Variants in TAF3 observed in about 807,000 individuals in gnomAD.
TAF3 encodes transcription initiation factor TFIID subunit 3.
A neutral mutation model predicts 80.6 loss-of-function variants in TAF3; 7 were observed. The ratio of observed to expected loss-of-function variants is 0.09; its 90% CI spans 0.05 to 0.16. The LOEUF is 0.16. Among genes scored for constraint, TAF3 ranks in the 10% least tolerant of loss-of-function variants. The pLI is 1.00. For missense variants in TAF3, 921 were observed against 1,140.2 expected, an observed-to-expected ratio of 0.81 and a Z score of 2.77; for synonymous variants, 444 against 446.1, an observed-to-expected ratio of 1.00 and a Z score of 0.06.
At chr10:7,834,963 T>C (rs1451758335) in intron 2 of TAF3, among the ~76,000 whole-genome samples, 1 of 152,234 alleles carries the variant, frequency 6.6e-6, no homozygotes, top group Non-Finnish European at 1.5e-5. Context: ...TCATGTCTTT[T>C]AGATCATTTC....
intron 2 of TAF3, among the ~76,000 whole-genome samples, chr10:7,909,865 A>C (rs1469285558): frequency 1.3e-5 from 2 of 152,212 alleles, no homozygotes; most frequent in Non-Finnish European, 2.9e-5. Flanking sequence ...GAAGTCCCTT[A>C]GTATCTGTGG....
rs372902098 is a variant in TAF3 at position 7,999,458 on chromosome 10, G to GTT, written c.2316-9605_2316-9604dup. Among the ~76,000 whole-genome samples the GTT allele has an allele frequency of 7.8e-3, 1,040 of 133,058 alleles. 22 individuals carry two copies. The highest frequency in any genetic ancestry group is 0.027 in the African/African-American group (949 of 35,798). 87.3% of individuals were successfully genotyped at this position (133,058 alleles called of 152,430 possible). On this transcript the variant is annotated intron_variant, in intron 4 of 6. Transcript: ENST00000344293. ...AAAAAAGAAAGAAAGAAAGAAAGAA[G>GTT]TTTTTTTTTTTTTTTTGAGATGGAG...
At chr10:7,942,389 GT>G (rs1404299933) in intron 2 of TAF3, among the ~76,000 whole-genome samples, 2 of 151,980 alleles carry the variant, frequency 1.3e-5, no homozygotes, top group South Asian at 2.1e-4. Context: ...GGTAGTTCAG[GT>G]TTTTTTCAGC....
chr10:7,824,216 T>G, intron 1 of TAF3, 102 bp from the exon 2 acceptor site: 1 of 1,309,254 alleles, frequency 7.6e-7, no homozygotes, highest in Non-Finnish European at 1.0e-6. Flanking sequence ...TTAAAATGTT[T>G]GATTCTGAGC....
rs1343352015 is a variant in TAF3, at chr10:8,014,716, A to G, written c.2755A>G (p.Lys919Glu). The change falls in exon 7 of 7, where the codon AAA (lysine) becomes GAA (glutamate). Residue 919 changes from lysine to glutamate, a missense_variant. Coordinates refer to ENST00000344293, the MANE Select transcript of TAF3 (RefSeq NM_031923.4). ...CPKCANKKKD[K>E]KHKKRKHRAH Reference sequence around the variant, plus strand: ...CAAGTGTGCGAACAAGAAGAAGGACAAAAAGCACAAGAAGAGGAAGCATCG... The same window carrying G: ...CAAGTGTGCGAACAAGAAGAAGGACGAAAAGCACAAGAAGAGGAAGCATCG... The G allele has an allele frequency of 1.2e-6, 2 of 1,608,968 alleles. No homozygotes were observed. Among genetic ancestry groups the G allele is most frequent in the Admixed American group, 3.4e-5 (2 of 59,442 alleles).
At chr10:7,930,699 A>G (rs1389566960) in intron 2 of TAF3, among the ~76,000 whole-genome samples, 2 of 152,208 alleles carry the variant, frequency 1.3e-5, no homozygotes, top group Non-Finnish European at 2.9e-5. Flanking sequence ...TTCCCTAAGA[A>G]ATAGAATCCA....
chr10:7,998,241 C>CTATATATATATATATATATATG (rs1831907586), intron 4 of TAF3, among the ~76,000 whole-genome samples: 1 of 134,436 alleles, frequency 7.4e-6, no homozygotes, highest in Non-Finnish European at 1.6e-5. Context: ...TGAGTGAGAA[C>CTATATATATATATATATATATG]TATATATATA....
chr10:7,827,631 T>C (rs756957131), intron 2 of TAF3, among the ~76,000 whole-genome samples: 8 of 151,984 alleles, frequency 5.3e-5, no homozygotes, highest in Non-Finnish European at 7.4e-5. Flanking sequence ...GATACAAATA[T>C]TAGCTGGGCG....
rs781689031 is a variant in TAF3 at position 7,964,874 on chromosome 10, G to T, written c.1364G>T (p.Gly455Val). The T allele has an allele frequency of 1.9e-6, 3 of 1,614,032 alleles. No individual in the cohort carries two copies. Among genetic ancestry groups the T allele is most frequent in the Non-Finnish European group, 2.5e-6 (3 of 1,180,038 alleles). The part of the protein sequence containing the change: ...KSGSTPLPLS[G>V]GTSSSDNSWT... ...GGATCCACTCCTCTGCCTCTTTCCG[G>T]TGGAACCTCAAGTTCCGATAACTCA... The change falls in exon 3 of 7, where the codon GGT becomes GTT. Residue 455 changes from glycine (G) to valine (V), a missense_variant. By Grantham distance (109) the Gly-to-Val change is moderately radical. Coordinates refer to ENST00000344293, the MANE Select transcript of TAF3 (RefSeq NM_031923.4). The surrounding 1 kb of genome is among the most constrained non-coding windows in gnomAD (Gnocchi z 4.1).
intron 2 of TAF3, among the ~76,000 whole-genome samples, chr10:7,878,750 A>T (rs1158219323): frequency 6.7e-6 from 1 of 149,644 alleles, no homozygotes; most frequent in Non-Finnish European, 1.5e-5. Flanking sequence ...TGTATATGAG[A>T]CAGAGTCTTG....
chr10:7,847,245 T>C (rs1001646749), intron 2 of TAF3, among the ~76,000 whole-genome samples: 2 of 152,228 alleles, frequency 1.3e-5, no homozygotes, highest in African/African-American at 4.8e-5. Flanking sequence ...ATATTTCATA[T>C]TTGTCAATAT....
chr10:8,011,457 G>A (rs766800556), intron 5 of TAF3, among the ~76,000 whole-genome samples: 4 of 152,038 alleles, frequency 2.6e-5, no homozygotes, highest in Admixed American at 2.0e-4. Flanking sequence ...TTTGGTTTTT[G>A]TGGAGATGAT....
At chr10:7,942,880 A>G (rs1837989230) in intron 2 of TAF3, among the ~76,000 whole-genome samples, 1 of 152,252 alleles carries the variant, frequency 6.6e-6, no homozygotes, top group Non-Finnish European at 1.5e-5. Context: ...GCCCACATAC[A>G]CAAAAATCAC....
intron 1 of TAF3, among the ~76,000 whole-genome samples, chr10:7,819,345 C>T (rs989454398): frequency 1.3e-5 from 2 of 152,178 alleles, no homozygotes; most frequent in Non-Finnish European, 2.9e-5. Context: ...TACATAGACT[C>T]GTTGACAGCT....
chr10:7,911,310 T>A (rs934199634), intron 2 of TAF3, among the ~76,000 whole-genome samples: 2 of 152,254 alleles, frequency 1.3e-5, no homozygotes, highest in Non-Finnish European at 2.9e-5. Flanking sequence ...TCTGGGACAG[T>A]AATTATTATC....
intron 2 of TAF3, among the ~76,000 whole-genome samples, chr10:7,950,485 G>GT (rs1838071800): frequency 6.6e-6 from 1 of 152,204 alleles, no homozygotes; most frequent in African/African-American, 2.4e-5. Context: ...ACCAGATACA[G>GT]TCATAGTGTT....
chr10:7,841,869 T>G (rs953155076), intron 2 of TAF3, among the ~76,000 whole-genome samples: 1 of 152,144 alleles, frequency 6.6e-6, no homozygotes, highest in East Asian at 1.9e-4. Flanking sequence ...CTAACAAAAC[T>G]TTTTATTTAT....
intron 2 of TAF3, among the ~76,000 whole-genome samples, chr10:7,920,454 C>T (rs1379083371): frequency 6.6e-6 from 1 of 151,370 alleles, no homozygotes; most frequent in African/African-American, 2.4e-5. Flanking sequence ...TTATGCTTTG[C>T]ATTTTGTTCT....
chr10:8,014,944 G>C lies in TAF3; in HGVS notation c.*193G>C. The stretch of plus-strand genomic sequence containing the variant: ...CCGAGCCGCCTTGGCCTGTGGCTCC[G>C]TGGCAGTGCGACAGAAGGAAACTCA... On this transcript the variant is annotated 3_prime_UTR_variant, in exon 7 of 7. Coordinates refer to ENST00000344293, the MANE Select transcript of TAF3 (RefSeq NM_031923.4). The C allele has an allele frequency of 4.3e-6, 2 of 469,748 alleles. No individual in the cohort carries two copies. Among genetic ancestry groups the C allele is most frequent in the East Asian group, 3.7e-5 (1 of 26,860 alleles). 29.1% of individuals were successfully genotyped at this position (469,748 alleles called of 1,614,324 possible).
Sources: allele counts gnomAD v4.1 joint callset (sites outside exome capture counted in the v4.1 genomes callset), GRCh38; gene constraint gnomAD v4.1.1; non-coding constraint Gnocchi (gnomAD v3.1); transcripts MANE v1.5; gene names NCBI Gene and HGNC (gene_info 2026-07-23, HGNC 2026-07-21).